The following PTPRT variants were observed in gnomAD, a reference collection of about 807,000 sequenced individuals.
The protein encoded by PTPRT is protein tyrosine phosphatase receptor type T.
A neutral mutation model predicts 176.8 loss-of-function variants in PTPRT; 56 were observed. That is an observed-to-expected ratio of 0.32 (90% CI 0.26 to 0.40). The LOEUF is 0.40. Among genes scored for constraint, PTPRT ranks in the 10% least tolerant of loss-of-function variants. The pLI is 1.00. For synonymous variants in PTPRT, 783 were observed against 739.0 expected (o/e 1.06, Z -0.96); for missense variants, 1,540 against 1,908.2 (o/e 0.81, Z 3.60).
At chr20:43,147,612 T>C (rs2014209300) in intron 1 of PTPRT, among the ~76,000 whole-genome samples, 1 of 152,164 alleles carries the variant, frequency 6.6e-6, no homozygotes, top group Admixed American at 6.5e-5. Flanking sequence ...CAGCCTCTTG[T>C]TTGCTAACAT....
intron 1 of PTPRT, among the ~76,000 whole-genome samples, chr20:43,021,669 A>G (rs1985687482): frequency 6.6e-6 from 1 of 152,176 alleles, no homozygotes; most frequent in Non-Finnish European, 1.5e-5. Context: ...AGATACAGAC[A>G]GTTAAGGTAT....
At chr20:42,907,075 A>AG (rs1413385518) in intron 1 of PTPRT, among the ~76,000 whole-genome samples, 5 of 152,174 alleles carry the variant, frequency 3.3e-5, no homozygotes, top group Non-Finnish European at 5.9e-5. Flanking sequence ...TGTAACAGTG[A>AG]GGGGAAAAAA....
intron 13 of PTPRT, among the ~76,000 whole-genome samples, chr20:42,266,873 G>A (rs1332804423): frequency 6.6e-6 from 1 of 152,124 alleles, no homozygotes; most frequent in Non-Finnish European, 1.5e-5. Flanking sequence ...CTTGAAAGGT[G>A]GCTGGTGTAA....
rs62204922 is a variant in PTPRT, at chr20:42,476,909, G to A, written c.1154-4347C>T. On this transcript the variant is annotated intron_variant, in intron 7 of 30. Coordinates refer to ENST00000373187, the MANE Select transcript of PTPRT (RefSeq NM_007050.6). ...ATGAATGGGTCAGTTACACATGTAT[G>A]CACACAAGCCTGTCCCGAACATGTG... is the stretch of plus-strand genomic sequence containing the variant. Among the ~76,000 whole-genome samples the A allele has an allele frequency of 7.9e-3, 1,206 of 152,304 alleles. 11 individuals are homozygous for A. The highest frequency in any genetic ancestry group is 0.014 in the Middle Eastern group (4 of 292).
chr20:43,179,711 C>G (rs2015202294), intron 1 of PTPRT, among the ~76,000 whole-genome samples: 1 of 152,150 alleles, frequency 6.6e-6, no homozygotes, highest in South Asian at 2.1e-4. Flanking sequence ...AGAGTGAAAG[C>G]CTGACACTGA....
intron 6 of PTPRT, among the ~76,000 whole-genome samples, chr20:42,739,998 A>G (rs753858166): frequency 1.3e-5 from 2 of 152,234 alleles, no homozygotes; most frequent in African/African-American, 2.4e-5. Context: ...AATTGGGCAC[A>G]TGACTTAGAC....
intron 1 of PTPRT, among the ~76,000 whole-genome samples, chr20:43,181,213 A>G (rs142988167): frequency 2.5e-3 from 381 of 152,298 alleles, no homozygotes; most frequent in African/African-American, 8.5e-3. Flanking sequence ...TCCCCATTCA[A>G]GCTGAACTGA....
At chr20:42,616,726 T>A (rs2074086744) in intron 7 of PTPRT, among the ~76,000 whole-genome samples, 1 of 118,754 alleles carries the variant, frequency 8.4e-6, no homozygotes, top group Non-Finnish European at 1.7e-5. Context: ...CACTCATGAT[T>A]TGGCTCTCTG....
At chr20:42,146,681 C>T (rs1266825443) in intron 17 of PTPRT, among the ~76,000 whole-genome samples, 1 of 151,956 alleles carries the variant, frequency 6.6e-6, no homozygotes, top group Admixed American at 6.6e-5. Flanking sequence ...TGGGTTTGTC[C>T]CCTCCAATCC....
chr20:42,236,314 A>AAGAC, intron 14 of PTPRT, 56 bp from the exon 15 acceptor site: 1 of 1,346,716 alleles, frequency 7.4e-7, no homozygotes, highest in East Asian at 2.3e-5. Flanking sequence ...GGAAAAAGAA[A>AAGAC]AGACAAACAA....
chr20:42,140,759 C>G (rs754900451), intron 18 of PTPRT, among the ~76,000 whole-genome samples: 7 of 152,170 alleles, frequency 4.6e-5, no homozygotes, highest in Non-Finnish European at 8.8e-5. Flanking sequence ...CCCCACAGGA[C>G]ATGTCCTGAG....
chr20:42,794,598 A>T (rs563561793), intron 2 of PTPRT, among the ~76,000 whole-genome samples: 1 of 152,380 alleles, frequency 6.6e-6, no homozygotes, highest in Admixed American at 6.5e-5. Context: ...CTGAATGAGC[A>T]CAACCACACA....
chr20:42,175,844 TA>T (rs1990269119), intron 16 of PTPRT, among the ~76,000 whole-genome samples: 1 of 152,116 alleles, frequency 6.6e-6, no homozygotes, highest in Admixed American at 6.6e-5. Flanking sequence ...ATAAATATAG[TA>T]AAATGTTAAT....
intron 6 of PTPRT, among the ~76,000 whole-genome samples, chr20:42,683,726 C>T (rs1677911609): frequency 1.3e-5 from 2 of 152,208 alleles, no homozygotes; most frequent in Non-Finnish European, 2.9e-5. Context: ...TGTTTTCATA[C>T]AATAATGGAC....
intron 16 of PTPRT, among the ~76,000 whole-genome samples, chr20:42,176,735 C>CAA (rs1380192418): frequency 6.6e-6 from 1 of 152,126 alleles, no homozygotes; most frequent in Non-Finnish European, 1.5e-5. Context: ...TAGAAAAACT[C>CAA]AATTTTGACA....
intron 19 of PTPRT, among the ~76,000 whole-genome samples, chr20:42,127,913 T>C (rs1306224471): frequency 1.3e-5 from 2 of 152,206 alleles, no homozygotes; most frequent in Admixed American, 1.3e-4. Context: ...TGGTAGCAGA[T>C]AAATCATGCC....
At chr20:42,899,910 A>T (rs1015305819) in intron 1 of PTPRT, among the ~76,000 whole-genome samples, 1 of 152,180 alleles carries the variant, frequency 6.6e-6, no homozygotes, top group African/African-American at 2.4e-5. Context: ...AACAATAATG[A>T]TAGCAGCTTG....
chr20:42,528,912 T>G (rs965138928), intron 7 of PTPRT, among the ~76,000 whole-genome samples: 2 of 152,240 alleles, frequency 1.3e-5, no homozygotes, highest in Non-Finnish European at 2.9e-5. Flanking sequence ...TGCTAGAAAG[T>G]GCATCTCACC....
intron 7 of PTPRT, among the ~76,000 whole-genome samples, chr20:42,474,980 A>G (rs1165953495): frequency 3.3e-5 from 5 of 152,198 alleles, no homozygotes; most frequent in African/African-American, 1.2e-4. Context: ...GAAGAGGAAC[A>G]CTTAAGACCC....
Sources: allele counts gnomAD v4.1 joint callset (sites outside exome capture counted in the v4.1 genomes callset), GRCh38; gene constraint gnomAD v4.1.1; transcripts MANE v1.5; gene names NCBI Gene and HGNC (gene_info 2026-07-23, HGNC 2026-07-21).